The following PDSS2 variants were observed in gnomAD, a reference collection of about 807,000 sequenced individuals.
PDSS2 encodes all trans-polyprenyl-diphosphate synthase PDSS2.
PDSS2 carries 31 observed loss-of-function variants against 44.5 expected under a neutral mutation model. The observed-to-expected ratio is 0.70, with a 90% CI of 0.52 to 0.94. The LOEUF (loss-of-function observed/expected upper bound fraction) is 0.94. Ranked by LOEUF, PDSS2 falls within the 40% of genes least tolerant of loss-of-function variation. The pLI, the probability that PDSS2 is intolerant of heterozygous loss-of-function variation, is 0.00. For missense variants in PDSS2, 452 were observed against 482.2 expected, an observed-to-expected ratio of 0.94 and a Z score of 0.59; for synonymous variants, 157 against 180.3, an observed-to-expected ratio of 0.87 and a Z score of 1.03.
At chr6:107,383,008 A>C (rs1471456996) in intron 1 of PDSS2, among the ~76,000 whole-genome samples, 1 of 152,052 alleles carries the variant, frequency 6.6e-6, no homozygotes, top group Non-Finnish European at 1.5e-5. Context: ...TACAAAAATT[A>C]ACTCAAAACA....
chr6:107,348,893 A>C (rs549136148), intron 1 of PDSS2, among the ~76,000 whole-genome samples: 1 of 152,292 alleles, frequency 6.6e-6, no homozygotes, highest in Non-Finnish European at 1.5e-5. Context: ...CTTGTACAGT[A>C]CTACTGTTAT....
At chr6:107,349,715 C>T (rs940358166) in intron 1 of PDSS2, among the ~76,000 whole-genome samples, 1 of 152,164 alleles carries the variant, frequency 6.6e-6, no homozygotes, top group Non-Finnish European at 1.5e-5. Flanking sequence ...TGCCATTGCA[C>T]TCCAGCCTGG....
chr6:107,438,506 T>C (rs1482838932), intron 1 of PDSS2, among the ~76,000 whole-genome samples: 1 of 152,200 alleles, frequency 6.6e-6, no homozygotes, highest in Non-Finnish European at 1.5e-5. Flanking sequence ...TGAGCCACCA[T>C]GCCCGGCCTG....
At chr6:107,410,407 C>A (rs1780452841) in intron 1 of PDSS2, among the ~76,000 whole-genome samples, 1 of 152,184 alleles carries the variant, frequency 6.6e-6, no homozygotes. Context: ...CACACACACA[C>A]CCATAAAACA....
intron 3 of PDSS2, among the ~76,000 whole-genome samples, chr6:107,270,592 A>G (rs561991811): frequency 9.8e-5 from 15 of 152,304 alleles, no homozygotes; most frequent in Admixed American, 5.2e-4. Flanking sequence ...TTTAGATGTA[A>G]TGATCAATTG....
At chr6:107,172,249 CT>C (rs1771606204) in intron 7 of PDSS2, among the ~76,000 whole-genome samples, 1 of 152,192 alleles carries the variant, frequency 6.6e-6, no homozygotes, top group African/African-American at 2.4e-5. Flanking sequence ...GAGAAAATCA[CT>C]GTATGTCTCT....
At chr6:107,164,160 TAAAAA>T (rs200996183) in intron 7 of PDSS2, among the ~76,000 whole-genome samples, 1 of 131,012 alleles carries the variant, frequency 7.6e-6, no homozygotes, top group African/African-American at 3.0e-5. Flanking sequence ...GGTTTATACT[TAAAAA>T]AAATTTTTTT....
chr6:107,193,912 T>C (rs1484066833), intron 6 of PDSS2, 58 bp from the exon 7 acceptor site: 1 of 1,101,890 alleles, frequency 9.1e-7, no homozygotes, highest in Non-Finnish European at 1.4e-6. Flanking sequence ...AGTGCTTCTA[T>C]AATTTTTGCT....
intron 1 of PDSS2, among the ~76,000 whole-genome samples, chr6:107,346,435 T>C (rs1778251417): frequency 6.6e-6 from 1 of 152,244 alleles, no homozygotes. Flanking sequence ...TTTTTCCATA[T>C]CTATTATTTG....
At chr6:107,270,276 T>A (rs1372190764) in intron 3 of PDSS2, among the ~76,000 whole-genome samples, 1 of 151,874 alleles carries the variant, frequency 6.6e-6, no homozygotes, top group Non-Finnish European at 1.5e-5. Flanking sequence ...ACTCGGCTAA[T>A]GTTCTTTGCA....
At chr6:107,395,572 T>C (rs1207851037) in intron 1 of PDSS2, among the ~76,000 whole-genome samples, 1 of 152,176 alleles carries the variant, frequency 6.6e-6, no homozygotes, top group Non-Finnish European at 1.5e-5. Context: ...ATTCATTAAA[T>C]ATACTTTATA....
chr6:107,199,520 G>T (rs1379281830), intron 6 of PDSS2, among the ~76,000 whole-genome samples: 1 of 152,050 alleles, frequency 6.6e-6, no homozygotes, highest in East Asian at 1.9e-4. Context: ...GGCTGGTCTC[G>T]AACTCCTGGA....
At chr6:107,335,800 C>A (rs75566101) in intron 1 of PDSS2, among the ~76,000 whole-genome samples, 3,252 of 151,994 alleles carry the variant, frequency 0.021, 144 homozygotes, top group East Asian at 0.2. Flanking sequence ...TAGATTACAG[C>A]ATATATAAAT....
chr6:107,173,384 G>A (rs1410214686), intron 7 of PDSS2, among the ~76,000 whole-genome samples: 3 of 151,406 alleles, frequency 2.0e-5, no homozygotes, highest in Admixed American at 2.0e-4. Flanking sequence ...GACCATCCTC[G>A]CCAACATGGT....
At chr6:107,214,383 T>A (rs7750154) in intron 4 of PDSS2, among the ~76,000 whole-genome samples, 5 of 151,980 alleles carry the variant, frequency 3.3e-5, no homozygotes, top group East Asian at 1.9e-4. Flanking sequence ...GAGCCACCGC[T>A]CCCGGCCTTT....
intron 1 of PDSS2, among the ~76,000 whole-genome samples, chr6:107,455,651 G>A (rs982272645): frequency 2.0e-5 from 3 of 150,822 alleles, no homozygotes; most frequent in African/African-American, 7.3e-5. Context: ...TTACTGGGGA[G>A]GCTGAGGCAG....
At chr6:107,208,439 G>A (rs1773081716) in intron 6 of PDSS2, among the ~76,000 whole-genome samples, 1 of 151,436 alleles carries the variant, frequency 6.6e-6, no homozygotes, top group African/African-American at 2.4e-5. Context: ...TGAGATTACA[G>A]GCGTGCACCA....
chr6:107,387,219 A>C (rs1377690584), intron 1 of PDSS2, among the ~76,000 whole-genome samples: 1 of 152,208 alleles, frequency 6.6e-6, no homozygotes, highest in Non-Finnish European at 1.5e-5. Flanking sequence ...AAGACCAGAA[A>C]GATTGGTTGA....
At chr6:107,247,320 C>G (rs75200726) in intron 3 of PDSS2, among the ~76,000 whole-genome samples, 384 of 152,328 alleles carry the variant, frequency 2.5e-3, no homozygotes, top group Non-Finnish European at 2.9e-3. Flanking sequence ...GAACTTTTAA[C>G]AGTGGATCTG....
Sources: gnomAD v4.1 joint callset for allele counts (sites outside exome capture counted in the v4.1 genomes callset) on GRCh38, gnomAD v4.1.1 for gene constraint, MANE v1.5 for transcripts, NCBI Gene and HGNC (gene_info 2026-07-23, HGNC 2026-07-21) for gene names.